The following PSD3 variants were observed in gnomAD, a reference collection of about 807,000 sequenced individuals.
PSD3 encodes PH and SEC7 domain-containing protein 3.
Under a neutral mutation model 105.5 loss-of-function variants are expected in PSD3, and 49 were observed. The observed-to-expected ratio is 0.46, with a 90% confidence interval of 0.37 to 0.59. The LOEUF (loss-of-function observed/expected upper bound fraction) is 0.59, where lower values mean the gene tolerates loss of function less well. PSD3 is among the 20% of genes least tolerant of loss of function. PSD3 has a pLI of 0.00. For synonymous variants in PSD3, 557 were observed against 457.8 expected (o/e 1.22, Z -2.77); for missense variants, 1,561 against 1,263.8 (o/e 1.24, Z -3.57).
chr8:18,782,444 T>A (rs376811012), intron 8 of PSD3, among the ~76,000 whole-genome samples: 6 of 152,292 alleles, frequency 3.9e-5, no homozygotes, highest in African/African-American at 1.4e-4. Flanking sequence ...ATCTTTAGCA[T>A]CAGTGGTGTC....
chr8:18,631,686 G>C (rs1181626661), intron 11 of PSD3, among the ~76,000 whole-genome samples: 1 of 151,792 alleles, frequency 6.6e-6, no homozygotes, highest in Admixed American at 6.6e-5. Context: ...AGTATATAAG[G>C]TGCACAGAAG....
At chr8:18,603,131 A>G (rs946185175) in intron 11 of PSD3, among the ~76,000 whole-genome samples, 1 of 152,250 alleles carries the variant, frequency 6.6e-6, no homozygotes, top group African/African-American at 2.4e-5. Flanking sequence ...TTTGATTAAA[A>G]GACACCATTT....
intron 9 of PSD3, among the ~76,000 whole-genome samples, chr8:18,673,361 C>T (rs367710984): frequency 1.3e-5 from 2 of 152,134 alleles, no homozygotes; most frequent in Non-Finnish European, 1.5e-5. Context: ...CACTAGGCTA[C>T]GTTTCCATTT....
At chr8:18,956,238 G>C (rs1004857098) in intron 1 of PSD3, among the ~76,000 whole-genome samples, 1 of 152,196 alleles carries the variant, frequency 6.6e-6, no homozygotes, top group African/African-American at 2.4e-5. Context: ...ATCACATGAA[G>C]GAAGGCTGAG....
At chr8:18,575,946 A>C (rs1802437766) in intron 12 of PSD3, among the ~76,000 whole-genome samples, 1 of 152,182 alleles carries the variant, frequency 6.6e-6, no homozygotes, top group African/African-American at 2.4e-5. Flanking sequence ...TCTAGAGTTT[A>C]AGGCCTCCCT....
At chr8:18,619,007 C>T (rs990523022) in intron 11 of PSD3, among the ~76,000 whole-genome samples, 1 of 152,064 alleles carries the variant, frequency 6.6e-6, no homozygotes, top group African/African-American at 2.4e-5. Flanking sequence ...TATCTCTACT[C>T]CTCCTCACCA....
At chr8:18,740,829 C>T (rs565638306) in intron 9 of PSD3, among the ~76,000 whole-genome samples, 1 of 152,258 alleles carries the variant, frequency 6.6e-6, no homozygotes, top group East Asian at 1.9e-4. Context: ...AACCTCAGCT[C>T]TGTGAGGCTG....
chr8:18,976,912 A>G (rs1238485773), intron 1 of PSD3, among the ~76,000 whole-genome samples: 1 of 152,204 alleles, frequency 6.6e-6, no homozygotes, highest in Admixed American at 6.5e-5. Flanking sequence ...TGTGGCTGTT[A>G]TAGAGAATGA....
chr8:18,936,491 C>T (rs549024047), intron 1 of PSD3, among the ~76,000 whole-genome samples: 30 of 152,242 alleles, frequency 2.0e-4, no homozygotes, highest in African/African-American at 6.5e-4. Flanking sequence ...TGGCTGGACG[C>T]GGTAGCTCAC....
At chr8:18,809,689 C>G (rs578216900) in intron 4 of PSD3, among the ~76,000 whole-genome samples, 2 of 152,170 alleles carry the variant, frequency 1.3e-5, no homozygotes, top group East Asian at 3.9e-4. Flanking sequence ...TCAAGAATTC[C>G]AATAATGGTG....
chr8:18,871,598 A>G, intron 3 of PSD3, 28 bp downstream of exon 3: 1 of 1,558,852 alleles, frequency 6.4e-7, no homozygotes, highest in Non-Finnish European at 8.6e-7. Context: ...CAGGCATCTG[A>G]GACAGCAGGG....
intron 1 of PSD3, among the ~76,000 whole-genome samples, chr8:19,004,737 C>A (rs182418403): frequency 3.9e-5 from 6 of 152,004 alleles, no homozygotes; most frequent in Admixed American, 3.3e-4. Context: ...TCCCATGTGT[C>A]GTGTGAGGAA....
intron 4 of PSD3, among the ~76,000 whole-genome samples, chr8:18,816,732 T>C (rs1260759759): frequency 2.0e-5 from 3 of 152,214 alleles, no homozygotes; most frequent in African/African-American, 7.2e-5. Context: ...CCTCTGTTCC[T>C]GCCTTTCACC....
At chr8:18,643,939 C>T (rs188668984) in intron 10 of PSD3, among the ~76,000 whole-genome samples, 17 of 152,292 alleles carry the variant, frequency 1.1e-4, no homozygotes, top group East Asian at 5.8e-4. Context: ...GTAGCTAGGC[C>T]GGCTTACACC....
At chr8:18,897,746 A>G (rs1819244737) in intron 2 of PSD3, among the ~76,000 whole-genome samples, 1 of 151,868 alleles carries the variant, frequency 6.6e-6, no homozygotes, top group Non-Finnish European at 1.5e-5. Context: ...TTCCCTAGGT[A>G]TTTTACTTTT....
intron 10 of PSD3, among the ~76,000 whole-genome samples, chr8:18,650,801 C>T (rs1443759360): frequency 2.0e-5 from 3 of 152,196 alleles, no homozygotes; most frequent in Non-Finnish European, 2.9e-5. Flanking sequence ...ACAACATTCT[C>T]TTAATGTGCA....
intron 8 of PSD3, among the ~76,000 whole-genome samples, chr8:18,798,175 C>G (rs1166841046): frequency 1.3e-5 from 2 of 152,136 alleles, no homozygotes. Flanking sequence ...ATTAGCCGTG[C>G]TATACTGCCC....
chr8:18,617,013 A>G (rs1468282696), intron 11 of PSD3, among the ~76,000 whole-genome samples: 1 of 152,066 alleles, frequency 6.6e-6, no homozygotes, highest in Non-Finnish European at 1.5e-5. Flanking sequence ...TACTCCATTG[A>G]GGGTCGTGTA....
intron 10 of PSD3, among the ~76,000 whole-genome samples, chr8:18,649,737 G>A (rs1808330148): frequency 6.6e-6 from 1 of 152,210 alleles, no homozygotes; most frequent in Non-Finnish European, 1.5e-5. Context: ...GGATCTGGCG[G>A]TAAGTGATTG....
Sources: gnomAD v4.1 joint callset for allele counts (sites outside exome capture counted in the v4.1 genomes callset) on GRCh38, gnomAD v4.1.1 for gene constraint, MANE v1.5 for transcripts, NCBI Gene and HGNC (gene_info 2026-07-23, HGNC 2026-07-21) for gene names.